Variants in TRIOBP observed in about 807,000 individuals in gnomAD.
TRIOBP encodes TRIO and F-actin binding protein.
Under a neutral mutation model 238.8 loss-of-function variants are expected in TRIOBP, and 169 were observed. That is an observed-to-expected ratio of 0.71 (90% confidence interval 0.62 to 0.80). The LOEUF (loss-of-function observed/expected upper bound fraction) is 0.80. Among genes scored for constraint, TRIOBP ranks in the 30% least tolerant of loss-of-function variants. TRIOBP has a pLI of 0.00. For synonymous variants in TRIOBP, 1,150 were observed against 1,274.4 expected (o/e 0.90, Z 2.08); for missense variants, 2,838 against 3,122.6 (o/e 0.91, Z 2.17).
intron 7 of TRIOBP, among the ~76,000 whole-genome samples, chr22:37,728,393 C>G (rs1481749013): frequency 3.3e-5 from 5 of 152,058 alleles, no homozygotes; most frequent in African/African-American, 4.8e-5. Context: ...GAGATTGCGT[C>G]ATTGCACTCC....
At chr22:37,773,193 T>C (rs563550617) in intron 23 of TRIOBP, among the ~76,000 whole-genome samples, 3 of 151,674 alleles carry the variant, frequency 2.0e-5, no homozygotes, top group Non-Finnish European at 2.9e-5. Flanking sequence ...GGTTGGTTGG[T>C]TGGTTGGTTG....
intron 2 of TRIOBP, among the ~76,000 whole-genome samples, chr22:37,700,432 C>T (rs1166024017): frequency 2.0e-5 from 3 of 151,764 alleles, no homozygotes; most frequent in Admixed American, 1.3e-4. Context: ...TGCACACCAT[C>T]TTACCCAGCT....
chr22:37,746,268 C>G, intron 11 of TRIOBP: 2 of 1,073,602 alleles, frequency 1.9e-6, no homozygotes, highest in Non-Finnish European at 2.2e-6. Flanking sequence ...GGGGCAGCGT[C>G]GGGGAAAGGA....
chr22:37,713,485 C>A, intron 5 of TRIOBP, 74 bp downstream of exon 5: 3 of 1,552,884 alleles, frequency 1.9e-6, no homozygotes, highest in Non-Finnish European at 2.6e-6. Flanking sequence ...CCCACCTAAA[C>A]CTCCAGGCCA....
chr22:37,762,618 G>A (rs1442659619), intron 17 of TRIOBP, among the ~76,000 whole-genome samples: 5 of 152,202 alleles, frequency 3.3e-5, no homozygotes, highest in African/African-American at 7.2e-5. Flanking sequence ...GGATGGGCAC[G>A]GGGAGCAGGT....
At chr22:37,738,143 A>T (rs949181426) in intron 9 of TRIOBP, among the ~76,000 whole-genome samples, 2 of 152,214 alleles carry the variant, frequency 1.3e-5, no homozygotes, top group Non-Finnish European at 2.9e-5. Flanking sequence ...TGATGGATCA[A>T]TGATGCATGT....
chr22:37,700,346 T>C (rs1922581059), intron 2 of TRIOBP, among the ~76,000 whole-genome samples: 1 of 150,710 alleles, frequency 6.6e-6, no homozygotes. Flanking sequence ...GGTGCAGTTA[T>C]AGCACACTAC....
chr22:37,762,153 G>A (rs1185133421), intron 17 of TRIOBP, among the ~76,000 whole-genome samples: 1 of 152,084 alleles, frequency 6.6e-6, no homozygotes, highest in African/African-American at 2.4e-5. Flanking sequence ...CTGCAGCCTC[G>A]AACTCTAGGG....
chr22:37,709,249 G>C (rs1005720946), intron 3 of TRIOBP, among the ~76,000 whole-genome samples: 1 of 152,228 alleles, frequency 6.6e-6, no homozygotes, highest in Non-Finnish European at 1.5e-5. Flanking sequence ...CGACCAGGCT[G>C]CTGCCTTGGC....
chr22:37,751,542 ACTT>A, intron 11 of TRIOBP: 1 of 580,152 alleles, frequency 1.7e-6, no homozygotes, highest in South Asian at 1.9e-5. Context: ...ACCCAGCCCA[ACTT>A]CTTGGCTCTC....
rs118204026 is a variant in TRIOBP, at chr22:37,723,595, C to T, written c.1039C>T (p.Arg347Ter). The T allele has an allele frequency of 3.9e-5, 63 of 1,613,960 alleles. No individual in the cohort carries two copies. The highest frequency in any genetic ancestry group is 1.6e-4 in the East Asian group (7 of 44,880). ...CACCCCCAGAGCTTCCTCTCCCTCA[C>T]GAAGCACCCAACTGGATAACCCCAG... Reference protein sequence around the residue: ...WNTPRASSPSRSTQLDNPRTS... With the variant: ...WNTPRASSPS The change falls in exon 7 of 24, where the codon CGA (arginine) becomes TGA (stop). Residue 347 changes from arginine (R) to a stop codon, truncating the protein, a stop_gained. Coordinates refer to ENST00000644935, the MANE Select transcript of TRIOBP (RefSeq NM_001039141.3). LOFTEE classifies it high-confidence loss of function.
intron 17 of TRIOBP, among the ~76,000 whole-genome samples, chr22:37,764,045 C>T (rs1158148850): frequency 1.3e-5 from 2 of 152,238 alleles, no homozygotes; most frequent in Non-Finnish European, 2.9e-5. Context: ...TCACACCTCC[C>T]TTGAACTCTT....
chr22:37,718,713 G>A (rs1159680932), intron 6 of TRIOBP, among the ~76,000 whole-genome samples: 2 of 152,032 alleles, frequency 1.3e-5, no homozygotes, highest in African/African-American at 2.4e-5. Context: ...GACAAAAAGC[G>A]GCTAGGGGAC....
In TRIOBP at chr22:37,726,299, G is replaced by T. The variant is rs1336850439; in HGVS notation, c.3743G>T (p.Ser1248Ile). Residue 1248 changes from serine to isoleucine, a missense_variant, in exon 7 of 24, where the codon AGC (serine) becomes ATC (isoleucine). By Grantham distance (142) the Ser-to-Ile change is moderately radical. Around this residue, in one of 5 missense-constraint regions of TRIOBP, gnomAD observed 2,096 missense variants for 2,137.4 expected, o/e 0.98. Coordinates refer to ENST00000644935, the MANE Select transcript of TRIOBP (RefSeq NM_001039141.3). The part of the protein sequence containing the change: ...AFLAPSPSPG[S>I]SGGSRGSAPP... ...CTGGCACCCTCACCTTCACCGGGCA[G>T]CTCTGGGGGCTCCCGGGGCTCAGCG... 1 of 1,612,872 alleles carries T rather than the reference G, an allele frequency of 6.2e-7. No individual in the cohort carries two copies. Among genetic ancestry groups the T allele is most frequent in the Non-Finnish European group, 8.5e-7 (1 of 1,179,944 alleles).
chr22:37,746,863 AC>A (rs1164601165), intron 11 of TRIOBP, among the ~76,000 whole-genome samples: 2 of 151,662 alleles, frequency 1.3e-5, no homozygotes, highest in Admixed American at 1.3e-4. Flanking sequence ...GGTCGCGCTG[AC>A]CCGGGCCTGG....
At chr22:37,744,762 AT>A (rs1231585637) in intron 11 of TRIOBP, among the ~76,000 whole-genome samples, 1 of 152,196 alleles carries the variant, frequency 6.6e-6, no homozygotes, top group Non-Finnish European at 1.5e-5. Context: ...CCTTGGCCTC[AT>A]TCCTCATGGT....
At chr22:37,765,407 C>T (rs1268771351) in intron 17 of TRIOBP, among the ~76,000 whole-genome samples, 3 of 151,704 alleles carry the variant, frequency 2.0e-5, no homozygotes, top group East Asian at 1.9e-4. Flanking sequence ...GGGATGAGAA[C>T]GTAAAGGTCA....
chr22:37,770,041 C>A (rs1376132668), intron 21 of TRIOBP, among the ~76,000 whole-genome samples: 1 of 146,908 alleles, frequency 6.8e-6, no homozygotes. Context: ...GTATTTATTT[C>A]TTTACTTTTT....
At position 37,715,722 on chromosome 22, in the gene TRIOBP, T is replaced by C. The variant is rs754524864; in HGVS notation, c.457-41T>C. 26 of 1,605,696 alleles carry C rather than the reference T, an allele frequency of 1.6e-5. 1 individual carries two copies. The South Asian group carries it at 2.9e-4, about 18-fold the overall frequency. On this transcript the variant is annotated intron_variant, in intron 5 of 23. Coordinates refer to ENST00000644935, the MANE Select transcript of TRIOBP (RefSeq NM_001039141.3). ...GGAGAGTATATGTCCTGCAGCCTTTTTTCTCCCGCAAACATACTTTCTCCT... is the reference window on the plus strand; with the variant it reads ...GGAGAGTATATGTCCTGCAGCCTTTCTTCTCCCGCAAACATACTTTCTCCT...
Sources: allele counts gnomAD v4.1 joint callset (sites outside exome capture counted in the v4.1 genomes callset), GRCh38; gene constraint gnomAD v4.1.1; regional missense constraint gnomAD v4.1.1; transcripts MANE v1.5; gene names NCBI Gene and HGNC (gene_info 2026-07-23, HGNC 2026-07-21).